Variants in DENND2C observed in about 807,000 individuals in gnomAD.
The protein encoded by DENND2C is DENN domain containing 2C.
Under a neutral mutation model 112.4 loss-of-function variants are expected in DENND2C, and 72 were observed. The observed-to-expected ratio is 0.64, with a 90% confidence interval of 0.53 to 0.78. The LOEUF is 0.78. Among genes scored for constraint, DENND2C ranks in the 30% least tolerant of loss-of-function variants. The pLI, the probability that DENND2C is intolerant of heterozygous loss-of-function variation, is 0.00. For synonymous variants in DENND2C, 329 were observed against 381.6 expected, an observed-to-expected ratio of 0.86 and a Z score of 1.61; for missense variants, 992 against 1,113.8, an observed-to-expected ratio of 0.89 and a Z score of 1.56.
intron 2 of DENND2C, among the ~76,000 whole-genome samples, chr1:114,650,371 A>G (rs2101688631): frequency 6.9e-6 from 1 of 145,936 alleles, no homozygotes; most frequent in South Asian, 2.2e-4. Context: ...ATTTTCAAGA[A>G]TTTCAGACTA....
At chr1:114,600,136 G>A in intron 15 of DENND2C, 68 bp downstream of exon 15, 2 of 1,524,264 alleles carry the variant, frequency 1.3e-6, no homozygotes, top group Non-Finnish European at 1.8e-6. Context: ...AAAAAAAAAT[G>A]CCCCAATTTT....
Position 114,583,807 on chromosome 1 carries a change from C to CA in DENND2C, c.*1792dup, listed in dbSNP as rs71090794. The CA allele has an allele frequency of 0.096, 8,254 of 85,792 alleles. 378 individuals are homozygous for CA. The highest frequency in any genetic ancestry group is 0.16 in the Middle Eastern group (25 of 154). 5.3% of individuals were successfully genotyped at this position (85,792 alleles called of 1,614,324 possible). ...GGGCAAAAAGAGCGAAACTCCATCTCAAAAAAAAAAAAAAAAAACCGAAAC... is the reference window on the plus strand; with the variant it reads ...GGGCAAAAAGAGCGAAACTCCATCTCAAAAAAAAAAAAAAAAAAACCGAAAC... On this transcript the variant is annotated 3_prime_UTR_variant, in exon 21 of 21. Coordinates refer to ENST00000393274, the MANE Select transcript of DENND2C (RefSeq NM_001256404.2).
chr1:114,663,648 C>T (rs1408586681), intron 1 of DENND2C, among the ~76,000 whole-genome samples: 2 of 152,146 alleles, frequency 1.3e-5, no homozygotes, highest in Non-Finnish European at 2.9e-5. Context: ...CCTGTTTTTG[C>T]AAGGCCTCTG....
Position 114,618,488 on chromosome 1 carries a change from A to AAAAG in DENND2C, c.1228-10_1228-7dup, listed in dbSNP as rs750173638. 2.6e-6 allele frequency: 4 copies of AAAAG among 1,527,300 alleles called. No homozygotes were observed. Among genetic ancestry groups the AAAAG allele is most frequent in the Non-Finnish European group, 3.5e-6 (4 of 1,132,876 alleles). The allele number at this position is 1,527,300 out of a possible 1,614,324, so 94.6% of individuals were successfully genotyped here. A position where few individuals can be genotyped will look rare whatever the true frequency, so the allele number is the denominator to read the frequency against. On this transcript the variant is annotated splice_polypyrimidine_tract_variant and splice_region_variant and intron_variant, in intron 7 of 20. Coordinates refer to ENST00000393274, the MANE Select transcript of DENND2C (RefSeq NM_001256404.2). ...TCATCTATTTTCAATACAAGCTGAAAAAAGACCAGAAAAATACAAATTAAG... is the reference window on the plus strand; with the variant it reads ...TCATCTATTTTCAATACAAGCTGAAAAAAGAAAGACCAGAAAAATACAAATTAAG...
At chr1:114,599,926 T>C (rs1377787618) in intron 15 of DENND2C, among the ~76,000 whole-genome samples, 1 of 150,858 alleles carries the variant, frequency 6.6e-6, no homozygotes, top group Non-Finnish European at 1.5e-5. Flanking sequence ...ATGAGAACAC[T>C]TGGACACAGG....
At chr1:114,640,217 C>T (rs1656786298) in intron 3 of DENND2C, among the ~76,000 whole-genome samples, 1 of 152,194 alleles carries the variant, frequency 6.6e-6, no homozygotes, top group Non-Finnish European at 1.5e-5. Flanking sequence ...GTCAGAGCTA[C>T]TTAAATCCAG....
At chr1:114,622,659 T>A (rs1266591394) in intron 6 of DENND2C, among the ~76,000 whole-genome samples, 1 of 152,114 alleles carries the variant, frequency 6.6e-6, no homozygotes, top group Non-Finnish European at 1.5e-5. Context: ...GCGTCTCACA[T>A]ACTTTCAGGG....
intron 3 of DENND2C, among the ~76,000 whole-genome samples, chr1:114,626,628 A>G (rs1656350042): frequency 6.7e-6 from 1 of 148,724 alleles, no homozygotes; most frequent in Non-Finnish European, 1.5e-5. Flanking sequence ...CTTCCCCCTC[A>G]GCCTCCTGAG....
At chr1:114,615,013 C>CAA (rs1345230274) in intron 8 of DENND2C, among the ~76,000 whole-genome samples, 3 of 124,150 alleles carry the variant, frequency 2.4e-5, no homozygotes, top group Admixed American at 8.2e-5. Flanking sequence ...GACTCCGTCT[C>CAA]AAAAAAAAAA....
At chr1:114,648,324 C>G (rs1353989993) in intron 2 of DENND2C, among the ~76,000 whole-genome samples, 1 of 152,154 alleles carries the variant, frequency 6.6e-6, no homozygotes, top group African/African-American at 2.4e-5. Flanking sequence ...TAAACTAATG[C>G]AACAGGATGT....
chr1:114,647,024 G>T (rs940460911), intron 2 of DENND2C, among the ~76,000 whole-genome samples: 3 of 152,152 alleles, frequency 2.0e-5, no homozygotes, highest in African/African-American at 7.2e-5. Flanking sequence ...GCTGGACGTG[G>T]TGGTGCATGC....
intron 1 of DENND2C, among the ~76,000 whole-genome samples, chr1:114,668,520 AACACACACAC>A (rs71580644): frequency 6.1e-5 from 9 of 146,850 alleles, no homozygotes; most frequent in African/African-American, 1.0e-4. Flanking sequence ...TGCCACATTC[AACACACACAC>A]ACACACACAC....
intron 7 of DENND2C, among the ~76,000 whole-genome samples, chr1:114,619,390 T>TATA (rs1656096924): frequency 6.6e-6 from 1 of 152,210 alleles, no homozygotes; most frequent in African/African-American, 2.4e-5. Context: ...TTAGGAACAT[T>TATA]ATATATGATA....
At chr1:114,588,548 T>A (rs931764905) in intron 18 of DENND2C, 3 of 152,786 alleles carry the variant, frequency 2.0e-5, no homozygotes, top group Non-Finnish European at 2.9e-5. Flanking sequence ...TTATCTCATC[T>A]TCTACATTTT....
intron 3 of DENND2C, among the ~76,000 whole-genome samples, chr1:114,628,397 A>T (rs1656402546): frequency 6.6e-6 from 1 of 152,102 alleles, no homozygotes; most frequent in African/African-American, 2.4e-5. Context: ...CACAAATATA[A>T]ATGATGTGTA....
chr1:114,654,298 G>A (rs1422104996), intron 2 of DENND2C, among the ~76,000 whole-genome samples: 1 of 152,106 alleles, frequency 6.6e-6, no homozygotes, highest in Non-Finnish European at 1.5e-5. Context: ...CGGGCGTGGT[G>A]GTGGGCACCT....
chr1:114,661,116 A>G (rs1415511699), intron 1 of DENND2C, among the ~76,000 whole-genome samples: 2 of 151,854 alleles, frequency 1.3e-5, no homozygotes, highest in Non-Finnish European at 2.9e-5. Context: ...CAAAAAAAAA[A>G]AAAAAAAAAA....
chr1:114,625,848 A>G lies in DENND2C; in HGVS notation c.137T>C (p.Phe46Ser). ...TTGGTGACAGTTATATCTCACTCCA[A>G]AGTCCTTTGGACACCACTTTTCTGG... is the stretch of plus-strand genomic sequence containing the variant. ...SNPEKWCPKDFGVRYNCHQEI... is the reference protein window; with the variant it reads ...SNPEKWCPKDSGVRYNCHQEI... The change falls in exon 4 of 21, where the codon TTT becomes TCT. Residue 46 changes from phenylalanine (F) to serine (S), a missense_variant. Coordinates refer to ENST00000393274, the MANE Select transcript of DENND2C (RefSeq NM_001256404.2). 6.2e-7 allele frequency: 1 copy of G among 1,614,088 alleles called. No individual in the cohort carries two copies. The highest frequency in any genetic ancestry group is 8.5e-7 in the Non-Finnish European group (1 of 1,179,984).
chr1:114,666,423 C>A (rs371196501), intron 1 of DENND2C, among the ~76,000 whole-genome samples: 10 of 152,302 alleles, frequency 6.6e-5, no homozygotes, highest in African/African-American at 2.4e-4. Flanking sequence ...TCTTCAAGAC[C>A]TAGCATCAGA....
Sources: allele counts gnomAD v4.1 joint callset (sites outside exome capture counted in the v4.1 genomes callset), GRCh38; gene constraint gnomAD v4.1.1; transcripts MANE v1.5; gene names NCBI Gene and HGNC (gene_info 2026-07-23, HGNC 2026-07-21).